GRIN2B: variants seen among roughly 807,000 people sequenced by gnomAD.
The protein encoded by GRIN2B is glutamate ionotropic receptor NMDA type subunit 2B.
In GRIN2B, 5 loss-of-function variants were observed where a neutral mutation model predicts 114.5. That is an observed-to-expected ratio of 0.04 (90% CI 0.02 to 0.09). The LOEUF (loss-of-function observed/expected upper bound fraction) is 0.09, where lower values mean the gene tolerates loss of function less well. GRIN2B is among the 10% of genes least tolerant of loss of function. The probability of loss-of-function intolerance (pLI) is 1.00; values close to 1 mark genes in which losing one functional copy is unlikely to be tolerated. For missense variants in GRIN2B, 1,108 were observed against 1,943.5 expected, an observed-to-expected ratio of 0.57 and a Z score of 8.08; for synonymous variants, 787 against 745.1, an observed-to-expected ratio of 1.06 and a Z score of -0.92.
In GRIN2B at chr12:13,563,734, G is replaced by C. The variant is rs183502070; in HGVS notation, c.3504C>G (p.Ser1168Arg). The C allele has an allele frequency of 6.2e-7, 1 of 1,613,830 alleles. No homozygotes were observed. The highest frequency in any genetic ancestry group is 2.2e-5 in the East Asian group (1 of 44,868). Reference protein sequence around the residue: ...RSDDFKRDSVSGGGPCTNRSH... With the variant: ...RSDDFKRDSVRGGGPCTNRSH... ...ACCTGTTGGTACAGGGCCCTCCTCC[G>C]CTGACGGAGTCGCGCTTAAAGTCAT... Residue 1168 changes from serine (S) to arginine (R), a missense_variant, in exon 14 of 14, where the codon AGC (serine) becomes AGG (arginine). Around this residue, in one of 19 missense-constraint regions of GRIN2B, gnomAD observed 478 missense variants for 506.0 expected, o/e 0.94. Transcript: ENST00000609686.
intron 2 of GRIN2B, among the ~76,000 whole-genome samples, chr12:13,909,192 G>A (rs1866591620): frequency 6.6e-6 from 1 of 152,194 alleles, no homozygotes; most frequent in African/African-American, 2.4e-5. Context: ...CCATGTTACA[G>A]AGGGCTTCAT....
intron 4 of GRIN2B, among the ~76,000 whole-genome samples, chr12:13,698,053 G>C (rs2136565264): frequency 6.6e-6 from 1 of 152,316 alleles, no homozygotes; most frequent in East Asian, 1.9e-4. Context: ...CCATTGCACA[G>C]AACAGCACTA....
At position 13,567,488 on chromosome 12, in the gene GRIN2B, A is replaced by G. The variant is rs4764011; in HGVS notation, c.2360-225T>C. On this transcript the variant is annotated intron_variant, in intron 12 of 13. Coordinates refer to ENST00000609686, the MANE Select transcript of GRIN2B (RefSeq NM_000834.5). ...AGTAAGCATTCAATAAAAATTTCAC[A>G]TGAGTACCGCAGGCGATATGAACAC... Among the ~76,000 whole-genome samples, 74,795 of 152,078 alleles carry G rather than the reference A, an allele frequency of 0.49. 19,307 individuals carry two copies. The highest frequency in any genetic ancestry group is 0.99 in the East Asian group (5,099 of 5,172).
At chr12:13,913,606 G>GTT (rs1162378022) in intron 2 of GRIN2B, among the ~76,000 whole-genome samples, 1 of 152,168 alleles carries the variant, frequency 6.6e-6, no homozygotes, top group African/African-American at 2.4e-5. Context: ...CTGCAGGTGA[G>GTT]TTTTGTCTGG....
chr12:13,572,402 T>C (rs1948718807), intron 10 of GRIN2B, among the ~76,000 whole-genome samples: 1 of 152,174 alleles, frequency 6.6e-6, no homozygotes, highest in African/African-American at 2.4e-5. Flanking sequence ...ATTTTGTCCA[T>C]AGGGCCTTAG....
At chr12:13,957,329 A>G (rs181522297) in intron 2 of GRIN2B, among the ~76,000 whole-genome samples, 1 of 152,258 alleles carries the variant, frequency 6.6e-6, no homozygotes, top group African/African-American at 2.4e-5. Context: ...TGTGTATACC[A>G]TATACATGTG....
chr12:13,729,128 G>A (rs968816082), intron 4 of GRIN2B, among the ~76,000 whole-genome samples: 3 of 152,124 alleles, frequency 2.0e-5, no homozygotes, highest in Non-Finnish European at 4.4e-5. Flanking sequence ...TTATTTTTCT[G>A]TTTTTTTCTT....
chr12:13,614,191 T>C (rs1308431708), intron 8 of GRIN2B, among the ~76,000 whole-genome samples: 2 of 152,210 alleles, frequency 1.3e-5, no homozygotes, highest in African/African-American at 4.8e-5. Context: ...AAAAATTCTA[T>C]GGAGCCTATA....
At chr12:13,738,336 A>T (rs1355786297) in intron 4 of GRIN2B, among the ~76,000 whole-genome samples, 3 of 152,250 alleles carry the variant, frequency 2.0e-5, no homozygotes, top group Middle Eastern at 3.2e-3. Flanking sequence ...AGGCCAGCCG[A>T]CACATCAAAT....
At chr12:13,976,195 C>T (rs542897102) in intron 2 of GRIN2B, among the ~76,000 whole-genome samples, 1 of 152,346 alleles carries the variant, frequency 6.6e-6, no homozygotes, top group South Asian at 2.1e-4. Flanking sequence ...TCAATTCAAC[C>T]ACTAATCTAC....
chr12:13,563,527 C>G lies in GRIN2B; in HGVS notation c.3711G>C (p.Gln1237His), dbSNP rs2136403898. Residue 1237 changes from glutamine to histidine, a missense_variant, in exon 14 of 14, where the codon CAG becomes CAC. Physicochemically the swap from Gln to His is conservative, Grantham distance 24 (BLOSUM62 0). Around this residue, in one of 19 missense-constraint regions of GRIN2B, gnomAD observed 478 missense variants for 506.0 expected, o/e 0.94. Transcript: ENST00000609686. The stretch of plus-strand genomic sequence containing the variant: ...TGCAAGCCTCACACCGGATGCACGC[C>G]TGCCTGCCCGAGTTCTGACCCGTCA... Reference protein sequence around the residue: ...TTVTGQNSGRQACIRCEACKK... With the variant: ...TTVTGQNSGRHACIRCEACKK... 3 of 1,614,150 alleles carry G rather than the reference C, an allele frequency of 1.9e-6. No individual in the cohort carries two copies. The highest frequency in any genetic ancestry group is 2.2e-5 in the South Asian group (2 of 91,088).
At chr12:13,631,399 C>A (rs537178453) in intron 5 of GRIN2B, among the ~76,000 whole-genome samples, 16 of 152,076 alleles carry the variant, frequency 1.1e-4, no homozygotes, top group Admixed American at 7.9e-4. Context: ...AAACATTTGC[C>A]AAAATACCCT....
chr12:13,779,649 T>C (rs762755777), intron 3 of GRIN2B, among the ~76,000 whole-genome samples: 2 of 152,210 alleles, frequency 1.3e-5, no homozygotes, highest in Non-Finnish European at 2.9e-5. Context: ...TAATTCCTAG[T>C]GTGTATTTTG....
In GRIN2B at chr12:13,547,971, A is replaced by ATTT. The variant is rs1310841396; in HGVS notation, c.*14811_*14812insAAA. The stretch of plus-strand genomic sequence containing the variant: ...TATGTATGTGTGTGTATATATATAT[A>ATTT]TATATATATATTTTTTTTTTTTTTC... On this transcript the variant is annotated 3_prime_UTR_variant, in exon 14 of 14. Coordinates refer to ENST00000609686, the MANE Select transcript of GRIN2B (RefSeq NM_000834.5). The ATTT allele has an allele frequency of 2.3e-5, 1 of 44,360 alleles. No homozygotes were observed. Among genetic ancestry groups the ATTT allele is most frequent in the African/African-American group, 6.3e-5 (1 of 15,790 alleles). The allele number at this position is 44,360 out of a possible 1,614,324, so 2.7% of individuals were successfully genotyped here.
intron 5 of GRIN2B, among the ~76,000 whole-genome samples, chr12:13,618,070 G>A (rs907585820): frequency 6.6e-6 from 1 of 152,226 alleles, no homozygotes; most frequent in Non-Finnish European, 1.5e-5. Flanking sequence ...TGAACCAAAC[G>A]TTTGCTTTCC....
chr12:13,828,572 A>T (rs1591755107), intron 3 of GRIN2B, among the ~76,000 whole-genome samples: 1 of 152,296 alleles, frequency 6.6e-6, no homozygotes, highest in Non-Finnish European at 1.5e-5. Context: ...CAACTCAGTC[A>T]GATTGCTGGG....
At chr12:13,921,977 C>T (rs1185914233) in intron 2 of GRIN2B, among the ~76,000 whole-genome samples, 1 of 152,092 alleles carries the variant, frequency 6.6e-6, no homozygotes, top group African/African-American at 2.4e-5. Context: ...AGTTATTTTG[C>T]CTCTAAGCCT....
At chr12:13,878,811 C>A (rs768296334) in intron 2 of GRIN2B, among the ~76,000 whole-genome samples, 1 of 152,114 alleles carries the variant, frequency 6.6e-6, no homozygotes, top group Admixed American at 6.5e-5. Flanking sequence ...AGAGAACAAC[C>A]GTCGGGAGCC....
intron 3 of GRIN2B, among the ~76,000 whole-genome samples, chr12:13,775,981 G>A (rs1863996128): frequency 6.6e-6 from 1 of 152,138 alleles, no homozygotes; most frequent in Non-Finnish European, 1.5e-5. Flanking sequence ...GTACACGTAT[G>A]TTCACTGCAG....
Sources: gnomAD v4.1 joint callset for allele counts (sites outside exome capture counted in the v4.1 genomes callset) on GRCh38, gnomAD v4.1.1 for gene constraint, gnomAD v4.1.1 regional missense constraint, MANE v1.5 for transcripts, NCBI Gene and HGNC (gene_info 2026-07-23, HGNC 2026-07-21) for gene names.